The following CDH23 variants were observed in gnomAD, a reference collection of about 807,000 sequenced individuals.
CDH23 encodes cadherin-23.
CDH23 carries 189 observed loss-of-function variants against 317.1 expected under a neutral mutation model. The observed-to-expected ratio is 0.60, with a 90% CI of 0.53 to 0.67. CDH23 has a LOEUF of 0.67. Ranked by LOEUF, CDH23 falls within the 30% of genes least tolerant of loss-of-function variation. The pLI is 0.00. For missense variants in CDH23, 4,401 were observed against 4,592.4 expected (o/e 0.96, Z 1.20); for synonymous variants, 1,839 against 1,876.8 (o/e 0.98, Z 0.52).
intron 57 of CDH23, 122 bp from the exon 58 acceptor site, chr10:71,807,155 A>G: frequency 2.4e-6 from 3 of 1,255,054 alleles, no homozygotes; most frequent in Non-Finnish European, 3.3e-6. Context: ...TACTCACCCC[A>G]TAAGGCCTGG....
At chr10:71,578,059 C>T (rs1434453262) in intron 9 of CDH23, 67 bp downstream of exon 9, 1 of 1,450,314 alleles carries the variant, frequency 6.9e-7, no homozygotes, top group African/African-American at 1.4e-5. Flanking sequence ...AGCCAGTAGG[C>T]ATCTCAGGCT....
chr10:71,766,359 G>A (rs1263270059), intron 38 of CDH23, among the ~76,000 whole-genome samples: 1 of 151,848 alleles, frequency 6.6e-6, no homozygotes, highest in Admixed American at 6.5e-5. Flanking sequence ...CAGGCCCCCC[G>A]CCCGCCACCC....
chr10:71,443,437 A>C (rs1449703051), intron 2 of CDH23, among the ~76,000 whole-genome samples: 1 of 152,196 alleles, frequency 6.6e-6, no homozygotes, highest in Non-Finnish European at 1.5e-5. Flanking sequence ...AATGCTTGTC[A>C]TTCAGCAGGC....
At chr10:71,433,896 C>A (rs1221822785) in intron 1 of CDH23, among the ~76,000 whole-genome samples, 3 of 151,400 alleles carry the variant, frequency 2.0e-5, no homozygotes, top group African/African-American at 7.3e-5. Flanking sequence ...GCCACTCCCA[C>A]CCATGCCCCC....
chr10:71,656,451 C>G (rs549286540), intron 14 of CDH23, among the ~76,000 whole-genome samples: 17 of 152,346 alleles, frequency 1.1e-4, no homozygotes, highest in African/African-American at 3.8e-4. Context: ...AGATGCAAAT[C>G]CAGCGACTAT....
At chr10:71,772,192 C>A (rs1840700951) in intron 38 of CDH23, among the ~76,000 whole-genome samples, 2 of 152,234 alleles carry the variant, frequency 1.3e-5, no homozygotes, top group Admixed American at 6.5e-5. Context: ...CTCAGAGGCC[C>A]AGGCCAGCCT....
intron 26 of CDH23, 103 bp downstream of exon 26, chr10:71,707,152 A>G: frequency 1.3e-6 from 2 of 1,548,622 alleles, no homozygotes; most frequent in East Asian, 4.9e-5. Context: ...GAGGGTGGAA[A>G]AGAGGTCAGG....
Position 71,704,959 on chromosome 10 carries a change from C to T in CDH23, c.2782C>T (p.Arg928Cys), listed in dbSNP as rs775017408. The T allele has an allele frequency of 5.6e-6, 9 of 1,612,798 alleles. No individual in the cohort carries two copies. Among genetic ancestry groups the T allele is most frequent in the African/African-American group, 2.7e-5 (2 of 74,936 alleles). The change falls in exon 25 of 70, where the codon CGC becomes TGC. Residue 928 changes from arginine (R) to cysteine (C), a missense_variant. Arg to Cys is a radical substitution (Grantham distance 180). This residue lies in a region of CDH23 where 3,068 missense variants were observed against 3,203.3 expected (regional missense o/e 0.96). Coordinates refer to ENST00000224721, the MANE Select transcript of CDH23 (RefSeq NM_022124.6). ...GGGCCTGAACGGCCTGGTGTCCTACCGCATGCCGGTGGGCATGCCCCGCAT... is the reference window on the plus strand; with the variant it reads ...GGGCCTGAACGGCCTGGTGTCCTACTGCATGCCGGTGGGCATGCCCCGCAT... Reference protein sequence around the residue: ...DEGLNGLVSYRMPVGMPRMDF... With the variant: ...DEGLNGLVSYCMPVGMPRMDF...
intron 20 of CDH23, among the ~76,000 whole-genome samples, chr10:71,693,521 G>A (rs996751824): frequency 1.3e-5 from 2 of 152,184 alleles, no homozygotes; most frequent in African/African-American, 4.8e-5. Flanking sequence ...CGATAAGGTT[G>A]GATAGGTTGA....
At chr10:71,727,259 C>T (rs1267517622) in intron 30 of CDH23, among the ~76,000 whole-genome samples, 19 of 152,204 alleles carry the variant, frequency 1.2e-4, no homozygotes. Flanking sequence ...GGCTTCATGC[C>T]TTGGCAGCCA....
chr10:71,649,567 TC>T (rs879274645), intron 14 of CDH23, among the ~76,000 whole-genome samples: 7 of 152,194 alleles, frequency 4.6e-5, no homozygotes, highest in Non-Finnish European at 8.8e-5. Flanking sequence ...CTTTCTCACC[TC>T]CCAGGTCCCT....
chr10:71,523,789 C>G (rs147757980), intron 6 of CDH23, among the ~76,000 whole-genome samples: 2 of 152,256 alleles, frequency 1.3e-5, no homozygotes, highest in East Asian at 3.9e-4. Context: ...GTTGCAAAAA[C>G]CTTTCTGTAG....
chr10:71,780,999 G>A (rs1427622482), intron 41 of CDH23, among the ~76,000 whole-genome samples: 2 of 152,220 alleles, frequency 1.3e-5, no homozygotes, highest in African/African-American at 4.8e-5. Flanking sequence ...GCCATTGACG[G>A]ATGGAGGGCT....
At chr10:71,775,634 C>T (rs1395653410) in intron 38 of CDH23, among the ~76,000 whole-genome samples, 3 of 152,170 alleles carry the variant, frequency 2.0e-5, no homozygotes, top group Admixed American at 6.5e-5. Context: ...CTCCTCCCTC[C>T]GAGACCAGAG....
intron 3 of CDH23, among the ~76,000 whole-genome samples, chr10:71,499,779 C>G (rs1853177968): frequency 6.6e-6 from 1 of 152,118 alleles, no homozygotes; most frequent in Admixed American, 6.5e-5. Context: ...GCAGAGGTTG[C>G]AGTGAGCTGA....
At position 71,487,418 on chromosome 10, in the gene CDH23, C is replaced by T. The variant is rs114038531; in HGVS notation, c.146-22664C>T. Among the ~76,000 whole-genome samples the T allele has an allele frequency of 1.7e-3, 264 of 152,224 alleles. 1 individual carries two copies. The highest frequency in any genetic ancestry group is 6.2e-3 in the African/African-American group (256 of 41,526). On this transcript the variant is annotated intron_variant, in intron 3 of 69. Coordinates refer to ENST00000224721, the MANE Select transcript of CDH23 (RefSeq NM_022124.6). ...GTTGTTCAAGGGTCAGCTGTACATGCACATACATACTTGCTTACATGGACG... is the reference window on the plus strand; with the variant it reads ...GTTGTTCAAGGGTCAGCTGTACATGTACATACATACTTGCTTACATGGACG...
chr10:71,692,405 C>T (rs1399918490), intron 20 of CDH23, among the ~76,000 whole-genome samples: 2 of 152,218 alleles, frequency 1.3e-5, no homozygotes, highest in South Asian at 4.1e-4. Context: ...CTGAGTTCCT[C>T]GGTCAAATTA....
In CDH23 at chr10:71,800,501, G is replaced by T; in HGVS notation, c.7363-135G>T. 3 of 1,090,428 alleles carry T rather than the reference G, an allele frequency of 2.8e-6. No homozygotes were observed. In the South Asian group the frequency reaches 4.8e-5, roughly 17 times the overall value. 67.5% of individuals were successfully genotyped at this position (1,090,428 alleles called of 1,614,324 possible). ...AGAAGAGCCCCTAGAATGGGAGCTT[G>T]CTGGGGGCAGAGGTTATTGTCTCTT... is the stretch of plus-strand genomic sequence containing the variant. On this transcript the variant is annotated intron_variant, in intron 52 of 69. Transcript: ENST00000224721.
At chr10:71,525,611 G>T (rs1222174681) in intron 6 of CDH23, among the ~76,000 whole-genome samples, 1 of 152,176 alleles carries the variant, frequency 6.6e-6, no homozygotes, top group Admixed American at 6.5e-5. Flanking sequence ...ACCCAGAGCT[G>T]CCAGCTGCAG....
Sources: gnomAD v4.1 joint callset for allele counts (sites outside exome capture counted in the v4.1 genomes callset) on GRCh38, gnomAD v4.1.1 for gene constraint, gnomAD v4.1.1 regional missense constraint, MANE v1.5 for transcripts, NCBI Gene and HGNC (gene_info 2026-07-23, HGNC 2026-07-21) for gene names.